Variants in LRP1B observed in about 807,000 individuals in gnomAD.
LRP1B encodes the protein low-density lipoprotein receptor-related protein 1B.
LRP1B carries 217 observed loss-of-function variants against 556.6 expected under a neutral mutation model. The ratio of observed to expected loss-of-function variants is 0.39; its 90% CI spans 0.35 to 0.44. The LOEUF is 0.44. Among genes scored for constraint, LRP1B ranks in the 20% least tolerant of loss-of-function variants. The pLI, the probability that LRP1B is intolerant of heterozygous loss-of-function variation, is 1.00. For missense variants in LRP1B, 5,053 were observed against 5,620.8 expected (o/e 0.90, Z 3.23); for synonymous variants, 2,047 against 1,865.8 (o/e 1.10, Z -2.50).
intron 4 of LRP1B, among the ~76,000 whole-genome samples, chr2:141,248,450 T>G (rs1325929190): frequency 1.3e-5 from 2 of 152,140 alleles, no homozygotes; most frequent in Admixed American, 6.6e-5. Context: ...GAATCTTAAG[T>G]GAAGACTTCG....
chr2:141,733,185 T>C (rs149359839), intron 2 of LRP1B, among the ~76,000 whole-genome samples: 2 of 152,258 alleles, frequency 1.3e-5, no homozygotes, highest in African/African-American at 4.8e-5. Flanking sequence ...TAATTCCAGA[T>C]CAATAGTCTG....
chr2:141,940,899 TTACTTACC>T (rs1700777585), intron 1 of LRP1B, among the ~76,000 whole-genome samples: 1 of 152,172 alleles, frequency 6.6e-6, no homozygotes, highest in African/African-American at 2.4e-5. Flanking sequence ...AAAGATGAAG[TTACTTACC>T]CAACGTCACC....
intron 82 of LRP1B, among the ~76,000 whole-genome samples, chr2:140,319,824 G>A (rs1005371024): frequency 1.3e-5 from 2 of 152,090 alleles, no homozygotes; most frequent in African/African-American, 4.8e-5. Flanking sequence ...ACTCTGACTG[G>A]GAGAATGGAT....
intron 63 of LRP1B, among the ~76,000 whole-genome samples, chr2:140,449,238 G>T (rs1006550830): frequency 6.6e-6 from 1 of 151,964 alleles, no homozygotes; most frequent in Admixed American, 6.6e-5. Flanking sequence ...TTATTTCTAA[G>T]AATTACAAAT....
chr2:140,801,497 C>G (rs988125023), intron 32 of LRP1B, among the ~76,000 whole-genome samples: 1 of 152,004 alleles, frequency 6.6e-6, no homozygotes, highest in Non-Finnish European at 1.5e-5. Flanking sequence ...GAGCAAGGCT[C>G]TTCCTTATGG....
intron 3 of LRP1B, among the ~76,000 whole-genome samples, chr2:141,448,881 G>C (rs1681301607): frequency 6.6e-6 from 1 of 152,200 alleles, no homozygotes; most frequent in Non-Finnish European, 1.5e-5. Flanking sequence ...ACATTCTTAA[G>C]AAGTTTCCAT....
chr2:140,983,659 C>G (rs1696837991), intron 17 of LRP1B, among the ~76,000 whole-genome samples: 1 of 151,828 alleles, frequency 6.6e-6, no homozygotes, highest in South Asian at 2.1e-4. Context: ...AAAGATTATC[C>G]AAGAAAAACA....
chr2:141,343,349 G>T (rs550480791), intron 3 of LRP1B, among the ~76,000 whole-genome samples: 2 of 152,202 alleles, frequency 1.3e-5, no homozygotes, highest in South Asian at 4.1e-4. Flanking sequence ...TAATAGCCTT[G>T]TCTACTACTT....
At chr2:141,178,359 C>G (rs1258194263) in intron 7 of LRP1B, among the ~76,000 whole-genome samples, 1 of 152,120 alleles carries the variant, frequency 6.6e-6, no homozygotes, top group Non-Finnish European at 1.5e-5. Context: ...TTGCCTGGCT[C>G]TGGACCAATG....
intron 2 of LRP1B, among the ~76,000 whole-genome samples, chr2:141,775,385 T>C (rs1303316501): frequency 1.3e-5 from 2 of 152,198 alleles, no homozygotes; most frequent in African/African-American, 4.8e-5. Flanking sequence ...TTTTCATATA[T>C]ATGTGTGGTT....
At chr2:141,449,956 A>T (rs1481080015) in intron 3 of LRP1B, among the ~76,000 whole-genome samples, 1 of 152,226 alleles carries the variant, frequency 6.6e-6, no homozygotes, top group African/African-American at 2.4e-5. Context: ...TGACAATCAA[A>T]AATATCTCTA....
chr2:140,989,472 G>C (rs1268450539), intron 17 of LRP1B, 60 bp downstream of exon 17: 22 of 1,590,098 alleles, frequency 1.4e-5, no homozygotes, highest in Non-Finnish European at 1.7e-5. Context: ...GCATTTACTT[G>C]CATTTTTATT....
At chr2:140,773,374 C>G (rs1410575427) in intron 33 of LRP1B, among the ~76,000 whole-genome samples, 1 of 152,050 alleles carries the variant, frequency 6.6e-6, no homozygotes, top group Non-Finnish European at 1.5e-5. Context: ...GGGACTGAGA[C>G]AGGAGAACTG....
chr2:140,295,325 T>C (rs976333344), intron 84 of LRP1B, among the ~76,000 whole-genome samples: 1 of 152,170 alleles, frequency 6.6e-6, no homozygotes, highest in Non-Finnish European at 1.5e-5. Flanking sequence ...CATCTACATA[T>C]GTCAAGGAAA....
chr2:141,706,443 G>A (rs993847511), intron 2 of LRP1B, among the ~76,000 whole-genome samples: 1 of 152,034 alleles, frequency 6.6e-6, no homozygotes, highest in Non-Finnish European at 1.5e-5. Flanking sequence ...TCAATCAAAT[G>A]CATTGACTGT....
intron 1 of LRP1B, among the ~76,000 whole-genome samples, chr2:141,940,108 T>G (rs1700753151): frequency 6.6e-6 from 1 of 152,104 alleles, no homozygotes; most frequent in Admixed American, 6.6e-5. Context: ...TTAAAACTAG[T>G]TCACAAATAC....
chr2:141,211,842 G>GT (rs969287330), intron 6 of LRP1B, among the ~76,000 whole-genome samples: 5 of 152,110 alleles, frequency 3.3e-5, no homozygotes, highest in African/African-American at 1.2e-4. Context: ...TTTGATAATT[G>GT]TAACTGTCCT....
intron 2 of LRP1B, among the ~76,000 whole-genome samples, chr2:141,533,973 A>G (rs926958044): frequency 6.6e-6 from 1 of 152,152 alleles, no homozygotes; most frequent in Non-Finnish European, 1.5e-5. Flanking sequence ...GGTTATAGAA[A>G]CAAACAATGT....
rs915936804 is a variant in LRP1B at position 140,367,266 on chromosome 2, C to G, written c.11009-2483G>C. On this transcript the variant is annotated intron_variant, in intron 71 of 90. Transcript: ENST00000389484. ...AGAAACATGATTAGGAAAACAAGGG[C>G]AAACTGCTTAGTATCTTAAGTAAAA... 4.6e-5 allele frequency among the ~76,000 whole-genome samples: 7 copies of G among 151,824 alleles called. No individual in the cohort carries two copies. The Admixed American group carries it at 4.6e-4, about 10-fold the overall frequency.
Sources: allele counts gnomAD v4.1 joint callset (sites outside exome capture counted in the v4.1 genomes callset), GRCh38; gene constraint gnomAD v4.1.1; transcripts MANE v1.5; gene names NCBI Gene and HGNC (gene_info 2026-07-23, HGNC 2026-07-21).